Variants in U2SURP observed in about 807,000 individuals in gnomAD.
U2SURP encodes the protein U2 snRNP-associated SURP motif-containing protein.
Under a neutral mutation model 144.9 loss-of-function variants are expected in U2SURP, and 9 were observed. The ratio of observed to expected loss-of-function variants is 0.06; its 90% confidence interval spans 0.04 to 0.11. The LOEUF (loss-of-function observed/expected upper bound fraction) is 0.11, where lower values mean the gene tolerates loss of function less well. Ranked by LOEUF, U2SURP falls within the 10% of genes least tolerant of loss-of-function variation. U2SURP has a pLI of 1.00. For synonymous variants in U2SURP, 408 were observed against 396.8 expected, an observed-to-expected ratio of 1.03 and a Z score of -0.33; for missense variants, 724 against 1,226.7, an observed-to-expected ratio of 0.59 and a Z score of 6.12.
intron 16 of U2SURP, 77 bp downstream of exon 16, chr3:143,028,723 A>G (rs1933303147): frequency 7.9e-7 from 1 of 1,262,602 alleles, no homozygotes; most frequent in South Asian, 1.5e-5. Flanking sequence ...TCTTATTAAG[A>G]TGTTAACCCT....
chr3:143,053,612 A>G (rs1382894324), intron 25 of U2SURP, 64 bp from the exon 26 acceptor site: 2 of 1,015,022 alleles, frequency 2.0e-6, no homozygotes. Flanking sequence ...ATATTGTTCT[A>G]TAAATGAGAT....
At chr3:143,035,327 A>G (rs1933753932) in intron 19 of U2SURP, among the ~76,000 whole-genome samples, 1 of 152,114 alleles carries the variant, frequency 6.6e-6, no homozygotes, top group African/African-American at 2.4e-5. Context: ...TCTGTTACCA[A>G]TTTTTTTATA....
chr3:143,023,141 T>C (rs1932930415), intron 12 of U2SURP, 77 bp downstream of exon 12: 1 of 1,288,832 alleles, frequency 7.8e-7, no homozygotes, highest in African/African-American at 1.5e-5. Context: ...TTTCAACAAT[T>C]TTATAGAAAA....
intron 1 of U2SURP, among the ~76,000 whole-genome samples, chr3:143,010,100 T>A (rs1377336056): frequency 6.6e-6 from 1 of 152,246 alleles, no homozygotes; most frequent in Non-Finnish European, 1.5e-5. Context: ...TAGTTAATCG[T>A]CCTACAGCTT....
In U2SURP at chr3:143,036,071, A is replaced by T; in HGVS notation, c.2031A>T (p.Gly677=). 1 of 1,608,508 alleles carries T rather than the reference A, an allele frequency of 6.2e-7. No individual in the cohort carries two copies. Among genetic ancestry groups the T allele is most frequent in the Non-Finnish European group, 8.5e-7 (1 of 1,178,242 alleles). Reference sequence around the variant, plus strand: ...TCAAACTACAAAATATTTTCTTAGGACTTGTAAATATTATTGAAGAAAAGG... The same window carrying T: ...TCAAACTACAAAATATTTTCTTAGGTCTTGTAAATATTATTGAAGAAAAGG... ...FLIKLQNIFL[G]LVNIIEEKET... Residue 677 remains glycine (G), a synonymous_variant, in exon 20 of 28, where the codon GGA becomes GGT. Coordinates refer to ENST00000473835, the MANE Select transcript of U2SURP (RefSeq NM_001080415.2).
chr3:143,008,663 A>G (rs1323112618), intron 1 of U2SURP, among the ~76,000 whole-genome samples: 2 of 152,168 alleles, frequency 1.3e-5, no homozygotes, highest in African/African-American at 4.8e-5. Context: ...CATTTCTTAA[A>G]TTGGTTTCTA....
In U2SURP at chr3:143,047,877, G is replaced by T. The variant is rs1297591744; in HGVS notation, c.2545-3062G>T. ...GGACGGGGCGGCTGGCCGGGCGGGGGGCTGACCCCCCCCAACCTCCCTCCC... is the reference window on the plus strand; with the variant it reads ...GGACGGGGCGGCTGGCCGGGCGGGGTGCTGACCCCCCCCAACCTCCCTCCC... On this transcript the variant is annotated intron_variant, in intron 24 of 27. Coordinates refer to ENST00000473835, the MANE Select transcript of U2SURP (RefSeq NM_001080415.2). 8.3e-5 allele frequency among the ~76,000 whole-genome samples: 7 copies of T among 84,486 alleles called. No individual in the cohort carries two copies. The East Asian group carries it at 2.9e-3, about 35-fold the overall frequency. 55.4% of individuals were successfully genotyped at this position (84,486 alleles called of 152,430 possible).
chr3:143,013,070 A>G (rs1290216580), intron 3 of U2SURP, among the ~76,000 whole-genome samples: 2 of 152,076 alleles, frequency 1.3e-5, no homozygotes, highest in Non-Finnish European at 2.9e-5. Context: ...CATTTCTGCA[A>G]GAATTCTGTA....
intron 24 of U2SURP, among the ~76,000 whole-genome samples, chr3:143,047,155 C>T (rs1358531803): frequency 3.0e-5 from 3 of 99,600 alleles, no homozygotes; most frequent in Non-Finnish European, 3.9e-5. Flanking sequence ...CCGGACGGGG[C>T]GGCTGGCCAG....
intron 4 of U2SURP, among the ~76,000 whole-genome samples, chr3:143,014,793 A>ATACT (rs1219526071): frequency 6.6e-6 from 1 of 152,060 alleles, no homozygotes; most frequent in East Asian, 1.9e-4. Flanking sequence ...GTATATAGAA[A>ATACT]TACTCCTTAT....
rs551532093 is a variant in U2SURP at position 143,018,929 on chromosome 3, A to G, written c.571-1040A>G. ...AACAAGAGCGAAACTCCATCTCAAA[A>G]ACAAACAAACAAACAAACAAAACTA... On this transcript the variant is annotated intron_variant, in intron 6 of 27. Coordinates refer to ENST00000473835, the MANE Select transcript of U2SURP (RefSeq NM_001080415.2). Among the ~76,000 whole-genome samples the G allele has an allele frequency of 8.1e-5, 12 of 147,718 alleles. No homozygotes were observed. In the East Asian group the frequency reaches 2.3e-3, roughly 29 times the overall value.
chr3:143,050,806 A>G (rs904032276), intron 24 of U2SURP, 133 bp from the exon 25 acceptor site: 20 of 568,904 alleles, frequency 3.5e-5, no homozygotes, highest in African/African-American at 2.3e-4. Flanking sequence ...TTGTCTGACA[A>G]GTGGCCTTCA....
chr3:143,036,171 G>T (rs1933799169), intron 20 of U2SURP, 67 bp downstream of exon 20: 4 of 1,494,688 alleles, frequency 2.7e-6, no homozygotes, highest in Non-Finnish European at 3.6e-6. Flanking sequence ...TCTTGGAGTT[G>T]TTCTGTGTTA....
chr3:143,016,405 T>G, intron 5 of U2SURP, 34 bp downstream of exon 5: 1 of 1,572,802 alleles, frequency 6.4e-7, no homozygotes, highest in Non-Finnish European at 8.7e-7. Flanking sequence ...TAATAAAGCA[T>G]AACTGTATTA....
intron 1 of U2SURP, among the ~76,000 whole-genome samples, chr3:143,010,250 A>G (rs1578113372): frequency 6.6e-6 from 1 of 152,234 alleles, no homozygotes; most frequent in South Asian, 2.1e-4. Context: ...TTCTCATGCC[A>G]CCAGGCAGCC....
chr3:143,017,129 T>C (rs1050946501), intron 6 of U2SURP, 154 bp downstream of exon 6: 1 of 565,274 alleles, frequency 1.8e-6, no homozygotes, highest in Non-Finnish European at 2.8e-6. Context: ...GTAATTTACT[T>C]AGATGAGAGT....
chr3:143,046,951 A>C lies in U2SURP; in HGVS notation c.2544+3675A>C, dbSNP rs1256311674. On this transcript the variant is annotated intron_variant, in intron 24 of 27. Coordinates refer to ENST00000473835, the MANE Select transcript of U2SURP (RefSeq NM_001080415.2). ...GGGCGGCTGGCCGGGCAGGGGGCTG[A>C]CCTCCCCCACCTCCCTCCCGGACGG... Among the ~76,000 whole-genome samples the C allele has an allele frequency of 1.5e-3, 138 of 91,682 alleles. 1 individual carries two copies. Among genetic ancestry groups the C allele is most frequent in the Non-Finnish European group, 1.7e-3 (80 of 48,470 alleles). The allele number at this position is 91,682 out of a possible 152,430, so 60.1% of individuals were successfully genotyped here.
intron 2 of U2SURP, among the ~76,000 whole-genome samples, chr3:143,011,135 T>C (rs955815018): frequency 1.3e-5 from 2 of 152,150 alleles, no homozygotes; most frequent in African/African-American, 4.8e-5. Context: ...TACTTATACT[T>C]TGACTATGGG....
chr3:143,051,001 G>A lies in U2SURP; in HGVS notation c.2607G>A (p.Gln869=). 1 of 1,613,268 alleles carries A rather than the reference G, an allele frequency of 6.2e-7. No individual in the cohort carries two copies. Among genetic ancestry groups the A allele is most frequent in the South Asian group, 1.1e-5 (1 of 90,882 alleles). The change falls in exon 25 of 28, where the codon CAG becomes CAA. Residue 869 remains glutamine, a synonymous_variant. Transcript: ENST00000473835. ...ESGKRPKKPG[Q]SFQEQVEHYR... is the part of the protein sequence containing the mutation. Reference sequence around the variant, plus strand: ...GGAAAAGACCTAAAAAACCAGGCCAGAGTTTTCAGGAGCAAGTAGAACACT... The same window carrying A: ...GGAAAAGACCTAAAAAACCAGGCCAAAGTTTTCAGGAGCAAGTAGAACACT...
Sources: gnomAD v4.1 joint callset for allele counts (sites outside exome capture counted in the v4.1 genomes callset) on GRCh38, gnomAD v4.1.1 for gene constraint, MANE v1.5 for transcripts, NCBI Gene and HGNC (gene_info 2026-07-23, HGNC 2026-07-21) for gene names.